Variants in STX6 observed in about 807,000 individuals in gnomAD.
STX6 encodes syntaxin 6.
In STX6, 23 loss-of-function variants were observed where a neutral mutation model predicts 38.0. The ratio of observed to expected loss-of-function variants is 0.60; its 90% CI spans 0.43 to 0.86. The LOEUF (loss-of-function observed/expected upper bound fraction) is 0.86. Among genes scored for constraint, STX6 ranks in the 40% least tolerant of loss-of-function variants. STX6 has a pLI of 0.00. For missense variants in STX6, 274 were observed against 312.9 expected (o/e 0.88, Z 0.94); for synonymous variants, 123 against 107.5 (o/e 1.14, Z -0.89).
intron 1 of STX6, among the ~76,000 whole-genome samples, chr1:181,008,735 T>G (rs1335411297): frequency 2.0e-5 from 3 of 150,674 alleles, no homozygotes; most frequent in African/African-American, 7.3e-5. Context: ...TTGTTTTTTT[T>G]TTTTTTTTTT....
At position 180,974,185 on chromosome 1, in the gene STX6, A is replaced by G. The variant is rs1414816837; in HGVS notation, c.*2385T>C. 1 of 152,170 alleles carries G rather than the reference A, an allele frequency of 6.6e-6. No homozygotes were observed. The highest frequency in any genetic ancestry group is 1.5e-5 in the Non-Finnish European group (1 of 68,030). 9.4% of individuals were successfully genotyped at this position (152,170 alleles called of 1,614,324 possible). The stretch of plus-strand genomic sequence containing the variant: ...CTGAGTGGAGGCCCTTCAAATTAAC[A>G]CTGGTTCTGTAGGGACTGCCCAGTC... On this transcript the variant is annotated 3_prime_UTR_variant, in exon 8 of 8. Transcript: ENST00000258301.
rs922199575 is a variant in STX6, at chr1:180,975,100, CA to C, written c.*1469del. The C allele has an allele frequency of 6.6e-6, 1 of 152,000 alleles. No individual in the cohort carries two copies. The highest frequency in any genetic ancestry group is 1.5e-5 in the Non-Finnish European group (1 of 67,840). The allele number at this position is 152,000 out of a possible 1,614,324, so 9.4% of individuals were successfully genotyped here. On this transcript the variant is annotated 3_prime_UTR_variant, in exon 8 of 8. Coordinates refer to ENST00000258301, the MANE Select transcript of STX6 (RefSeq NM_005819.6). ...CACATGAAATACAAACAAAACAAAA[CA>C]AAAAGGTTTAAAAAAAAAGTGTGCT...
chr1:180,985,114 T>G (rs1004698175), intron 6 of STX6, among the ~76,000 whole-genome samples: 3 of 151,022 alleles, frequency 2.0e-5, no homozygotes, highest in African/African-American at 7.3e-5. Context: ...GTAAGGTTTT[T>G]CTGTAACATG....
intron 1 of STX6, among the ~76,000 whole-genome samples, chr1:181,014,575 G>C (rs1337383244): frequency 1.3e-5 from 2 of 152,144 alleles, no homozygotes; most frequent in African/African-American, 4.8e-5. Flanking sequence ...AGTCAAGGCT[G>C]AAAGTTTCCA....
chr1:181,020,987 A>C (rs1656708897), intron 1 of STX6, among the ~76,000 whole-genome samples: 1 of 152,212 alleles, frequency 6.6e-6, no homozygotes, highest in Non-Finnish European at 1.5e-5. Flanking sequence ...CTTTTCCTTC[A>C]AGAACCTTAA....
intron 1 of STX6, among the ~76,000 whole-genome samples, chr1:181,015,166 T>G (rs1353484315): frequency 6.6e-6 from 1 of 152,132 alleles, no homozygotes; most frequent in East Asian, 1.9e-4. Context: ...TCATCAGCAT[T>G]CACAAGTTCA....
intron 7 of STX6, among the ~76,000 whole-genome samples, 179 bp downstream of exon 7, chr1:180,984,498 G>A (rs939678435): frequency 6.6e-6 from 1 of 152,092 alleles, no homozygotes; most frequent in Non-Finnish European, 1.5e-5. Context: ...GCAGTTAGCT[G>A]AGATGGCACC....
chr1:180,982,312 C>T (rs1430739635), intron 7 of STX6, among the ~76,000 whole-genome samples: 1 of 152,138 alleles, frequency 6.6e-6, no homozygotes, highest in Non-Finnish European at 1.5e-5. Context: ...AAGCAGAAAG[C>T]ACCAAGCAGG....
At chr1:181,012,121 G>T (rs555784342) in intron 1 of STX6, among the ~76,000 whole-genome samples, 1 of 152,170 alleles carries the variant, frequency 6.6e-6, no homozygotes, top group African/African-American at 2.4e-5. Flanking sequence ...TGAATTGTCA[G>T]AGTTCTTCAG....
At chr1:180,998,292 CAG>C (rs1655971817) in intron 3 of STX6, among the ~76,000 whole-genome samples, 1 of 152,196 alleles carries the variant, frequency 6.6e-6, no homozygotes. Context: ...CCTGATGAGG[CAG>C]ATTCCTCCAA....
chr1:181,014,934 A>G (rs952738889), intron 1 of STX6, among the ~76,000 whole-genome samples: 2 of 152,200 alleles, frequency 1.3e-5, no homozygotes, highest in Non-Finnish European at 1.5e-5. Context: ...TGCTGCTTCC[A>G]CAACTCCACC....
At chr1:180,982,740 C>G (rs575991980) in intron 7 of STX6, among the ~76,000 whole-genome samples, 1 of 152,160 alleles carries the variant, frequency 6.6e-6, no homozygotes, top group East Asian at 1.9e-4. Flanking sequence ...TTCATTAAAA[C>G]ACCTTTTTTT....
chr1:180,995,023 C>T (rs1336505869), intron 3 of STX6, among the ~76,000 whole-genome samples: 5 of 150,912 alleles, frequency 3.3e-5, no homozygotes, highest in Admixed American at 1.3e-4. Flanking sequence ...AATGCAGTGA[C>T]GTAATCTCGG....
chr1:181,000,102 T>C (rs1053827663), intron 3 of STX6, among the ~76,000 whole-genome samples: 2 of 152,224 alleles, frequency 1.3e-5, no homozygotes, highest in Non-Finnish European at 2.9e-5. Flanking sequence ...CTACCACTGG[T>C]AAATACTAAC....
At chr1:181,018,379 A>C (rs1414163016) in intron 1 of STX6, among the ~76,000 whole-genome samples, 1 of 116,306 alleles carries the variant, frequency 8.6e-6, no homozygotes, top group African/African-American at 3.4e-5. Flanking sequence ...ACAGAGTAAG[A>C]CTCTGTCCCA....
intron 3 of STX6, among the ~76,000 whole-genome samples, chr1:180,999,754 T>A (rs1323559850): frequency 6.6e-6 from 1 of 151,460 alleles, no homozygotes; most frequent in Non-Finnish European, 1.5e-5. Flanking sequence ...AAAGATAAAG[T>A]CAATCAAAAT....
intron 7 of STX6, among the ~76,000 whole-genome samples, chr1:180,982,717 G>GGTTA: frequency 6.6e-6 from 1 of 152,260 alleles, no homozygotes; most frequent in Middle Eastern, 3.4e-3. Context: ...AGTTTAAACT[G>GGTTA]GTTATACAAT....
At chr1:180,984,174 A>G (rs866441444) in intron 7 of STX6, among the ~76,000 whole-genome samples, 1 of 151,688 alleles carries the variant, frequency 6.6e-6, no homozygotes, top group African/African-American at 2.4e-5. Flanking sequence ...TTAAAGCTAC[A>G]AGGAGAAGAT....
Position 180,990,021 on chromosome 1 carries a change from T to C in STX6, c.452A>G (p.Asn151Ser). Reference sequence around the variant, plus strand: ...CTGCTGCTCCTCAATGAAATGAGAATTGGCTCTCTGGAGCTCTCGGTCCAG... The same window carrying C: ...CTGCTGCTCCTCAATGAAATGAGAACTGGCTCTCTGGAGCTCTCGGTCCAG... ...GRLDRELQRANSHFIEEQQAQ... is the reference protein window; with the variant it reads ...GRLDRELQRASSHFIEEQQAQ... Residue 151 changes from asparagine to serine, a missense_variant, in exon 5 of 8, where the codon AAT becomes AGT. By Grantham distance (46) the Asn-to-Ser change is conservative. Coordinates refer to ENST00000258301, the MANE Select transcript of STX6 (RefSeq NM_005819.6). 1.2e-6 allele frequency: 2 copies of C among 1,614,048 alleles called. No homozygotes were observed. The highest frequency in any genetic ancestry group is 2.7e-5 in the African/African-American group (2 of 74,996).
Sources: allele counts gnomAD v4.1 joint callset (sites outside exome capture counted in the v4.1 genomes callset), GRCh38; gene constraint gnomAD v4.1.1; transcripts MANE v1.5; gene names NCBI Gene and HGNC (gene_info 2026-07-23, HGNC 2026-07-21).